Variants in TRPM5 observed in about 807,000 individuals in gnomAD.
The protein encoded by TRPM5 is transient receptor potential cation channel subfamily M member 5, also known as MLSN1 and TRP-related.
A neutral mutation model predicts 124.9 loss-of-function variants in TRPM5; 121 were observed. The ratio of observed to expected loss-of-function variants is 0.97; its 90% CI spans 0.84 to 1.13. The LOEUF is 1.13. TRPM5 is among the 50% of genes most tolerant of loss of function. TRPM5 has a pLI of 0.00. For synonymous variants in TRPM5, 781 were observed against 700.5 expected (o/e 1.11, Z -1.81); for missense variants, 1,643 against 1,589.1 (o/e 1.03, Z -0.58).
exon 2 of TRPM5, chr11:2,422,283 G>A: frequency 6.2e-7 from 1 of 1,612,306 alleles, no homozygotes; most frequent in Non-Finnish European, 8.5e-7. Flanking sequence ...GCAGGTCAAA[G>A]AGCACAGACG....
chr11:2,421,233 C>T lies in TRPM5; in HGVS notation c.299-35G>A, dbSNP rs746801292. ...TGGAAGAGGGCCTCGTTGTGCCGCA[C>T]GCCCCAGGTCTTCCCTAGCTGGCCC... is the stretch of plus-strand genomic sequence containing the variant. On this transcript the variant is annotated intron_variant, in intron 2 of 23. Coordinates refer to ENST00000155858, the Ensembl canonical transcript of TRPM5. 28 of 1,517,598 alleles carry T rather than the reference C, an allele frequency of 1.8e-5. No individual in the cohort carries two copies. In the Admixed American group the frequency reaches 2.0e-4, roughly 11 times the overall value. 94.0% of individuals were successfully genotyped at this position (1,517,598 alleles called of 1,614,324 possible).
chr11:2,408,022 G>A, intron 18 of TRPM5, 110 bp from the exon 24 acceptor site: 1 of 1,417,688 alleles, frequency 7.1e-7, no homozygotes, highest in Non-Finnish European at 9.5e-7. Flanking sequence ...CCAGGGGACG[G>A]GGTGCTGGTT....
At position 2,415,065 on chromosome 11, in the gene TRPM5, C is replaced by G; in HGVS notation, c.1480-18G>C. The stretch of plus-strand genomic sequence containing the variant: ...CCCTTCTCCTGGAGGACACGGGCGT[C>G]GGCCTCCTGCTGCGGCCCCAGCCTC... On this transcript the variant is annotated intron_variant, in intron 9 of 23. Transcript: ENST00000155858. The G allele has an allele frequency of 6.3e-7, 1 of 1,594,228 alleles. No homozygotes were observed. Among genetic ancestry groups the G allele is most frequent in the East Asian group, 2.2e-5 (1 of 44,688 alleles).
intron 8 of TRPM5, among the ~76,000 whole-genome samples, 154 bp downstream of exon 13, chr11:2,415,752 C>A (rs1015732110): frequency 2.0e-4 from 30 of 152,226 alleles, no homozygotes; most frequent in African/African-American, 7.0e-4. Context: ...GAGGCAGAAG[C>A]CCGGGCAGAA....
Position 2,418,712 on chromosome 11 carries a change from C to T in TRPM5, c.650-121G>A, listed in dbSNP as rs1012177425. On this transcript the variant is annotated intron_variant, in intron 4 of 23. Coordinates refer to ENST00000155858, the Ensembl canonical transcript of TRPM5. ...CTGGCTCTTCCGAATAAAGTGTGGGCTTCGTCTGGGCCACGTGACACAGGC... is the reference window on the plus strand; with the variant it reads ...CTGGCTCTTCCGAATAAAGTGTGGGTTTCGTCTGGGCCACGTGACACAGGC... 5.8e-6 allele frequency: 6 copies of T among 1,029,490 alleles called. No individual in the cohort carries two copies. The Admixed American group carries it at 7.3e-5, about 13-fold the overall frequency. The allele number at this position is 1,029,490 out of a possible 1,614,324, so 63.8% of individuals were successfully genotyped here. A position where few individuals can be genotyped will look rare whatever the true frequency, so the allele number is the denominator to read the frequency against.
chr11:2,418,191 C>G, exon 6 of TRPM5: 1 of 1,580,928 alleles, frequency 6.3e-7, no homozygotes, highest in Non-Finnish European at 8.6e-7. Context: ...GCACGATGTC[C>G]TCCCAAGAGA....
At chr11:2,422,801 A>G (rs1845790954) in intron 1 of TRPM5, 119 bp downstream of exon 6, 2 of 865,818 alleles carry the variant, frequency 2.3e-6, no homozygotes, top group Non-Finnish European at 1.9e-6. Context: ...ATATGGCCCC[A>G]GGGGAGCAGA....
chr11:2,405,311 CAA>C (rs1330163171), intron 23 of TRPM5, among the ~76,000 whole-genome samples: 2 of 152,222 alleles, frequency 1.3e-5, no homozygotes, highest in Non-Finnish European at 2.9e-5. Context: ...GGCAGAGCCT[CAA>C]GAGTCTGAGT....
rs781099581 is a variant in TRPM5 at position 2,422,939 on chromosome 11, G to C, written c.98C>G (p.Ser33Cys). ...CCTTACCTTGCCTCGCTTCTTCCCA[G>C]ACCCTCCAAAGTTGACCTCGCCCCT... The change falls in exon 1 of 24, where the codon TCT becomes TGT. Residue 33 changes from serine to cysteine, a missense_variant. Physicochemically the swap from Ser to Cys is moderately radical, Grantham distance 112. Coordinates refer to ENST00000155858, the Ensembl canonical transcript of TRPM5. The C allele has an allele frequency of 1.1e-4, 171 of 1,613,182 alleles. No homozygotes were observed. Among genetic ancestry groups the C allele is most frequent in the Non-Finnish European group, 1.3e-4 (154 of 1,179,850 alleles).
chr11:2,405,215 C>T (rs1279668497), intron 23 of TRPM5, among the ~76,000 whole-genome samples, 172 bp from the exon 29 acceptor site: 2 of 152,250 alleles, frequency 1.3e-5, no homozygotes, highest in Non-Finnish European at 2.9e-5. Context: ...CCTCTGCCTG[C>T]ACTCCTGGGA....
Position 2,410,080 on chromosome 11 carries a change from G to A in TRPM5, c.2782+1272C>T, listed in dbSNP as rs904658730. ...CTGCGGACGGGCAGTGCTGGAGGCC[G>A]TATGGTGAGGGCGAGGTGGGGTCGC... On this transcript the variant is annotated intron_variant, in intron 18 of 23. Coordinates refer to ENST00000155858, the Ensembl canonical transcript of TRPM5. 7.2e-5 allele frequency among the ~76,000 whole-genome samples: 11 copies of A among 152,338 alleles called. No individual in the cohort carries two copies. In the South Asian group the frequency reaches 1.7e-3, roughly 23 times the overall value.
Position 2,415,890 on chromosome 11 carries a change from C to G in TRPM5, c.1128+16G>C. The G allele has an allele frequency of 6.5e-7, 1 of 1,538,562 alleles. No homozygotes were observed. The highest frequency in any genetic ancestry group is 8.8e-7 in the Non-Finnish European group (1 of 1,130,226). On this transcript the variant is annotated intron_variant, in intron 8 of 23. Coordinates refer to ENST00000155858, the Ensembl canonical transcript of TRPM5. ...GTGCCATGATGGGGAGGTGGGTAGG[C>G]AGGGCTGGGAGGCACCTTCCACTCC... is the stretch of plus-strand genomic sequence containing the variant.
chr11:2,437,842 A>T, the TRPM5 span, among the ~76,000 whole-genome samples: 1 of 152,208 alleles, frequency 6.6e-6, no homozygotes, highest in South Asian at 2.1e-4. This position sits in a 1 kb window ranked among gnomAD's most constrained non-coding sequence, Gnocchi z 5.6. Flanking sequence ...GGGGGCAGGT[A>T]GTTAGGGAAT....
chr11:2,410,474 C>T (rs574237113), intron 18 of TRPM5, among the ~76,000 whole-genome samples: 1 of 152,192 alleles, frequency 6.6e-6, no homozygotes, highest in African/African-American at 2.4e-5. Context: ...TCTGCGGCAC[C>T]CCTCGAGGGC....
At chr11:2,414,988 C>T (rs775038315) in exon 10 of TRPM5, 11 of 1,606,750 alleles carry the variant, frequency 6.8e-6, no homozygotes, top group Admixed American at 1.7e-5. Context: ...GGTTCTCGCT[C>T]TTCTGGTTCA....
Position 2,412,338 on chromosome 11 carries a change from A to AGGATCAGGGTTCAGCATGCCATGG in TRPM5, c.2356-86_2356-85insCCATGGCATGCTGAACCCTGATCC, listed in dbSNP as rs60397029. ...CTACCTGGACAAGCTTGGATCTGTA[A>AGGATCAGGGTTCAGCATGCCATGG]GGATCAGGGTTCCATCTATGACCAG... is the stretch of plus-strand genomic sequence containing the variant. On this transcript the variant is annotated intron_variant, in intron 15 of 23. Coordinates refer to ENST00000155858, the Ensembl canonical transcript of TRPM5. 6.9e-6 allele frequency: 7 copies of AGGATCAGGGTTCAGCATGCCATGG among 1,018,566 alleles called. No homozygotes were observed. In the Admixed American group the frequency reaches 8.8e-5, roughly 13 times the overall value. The allele number at this position is 1,018,566 out of a possible 1,614,324, so 63.1% of individuals were successfully genotyped here.
At chr11:2,420,187 C>T in intron 4 of TRPM5, 35 bp downstream of exon 9, 2 of 1,564,250 alleles carry the variant, frequency 1.3e-6, no homozygotes, top group South Asian at 1.2e-5. Context: ...CCACTGGGTC[C>T]CAAGGCTTCC....
chr11:2,418,126 G>A (rs766149330), intron 6 of TRPM5, 41 bp downstream of exon 11: 37 of 1,480,322 alleles, frequency 2.5e-5, no homozygotes, highest in Non-Finnish European at 3.3e-5. Flanking sequence ...CCCCACCCCC[G>A]GAGGAGGGGT....
the TRPM5 span, among the ~76,000 whole-genome samples, chr11:2,432,301 C>A: frequency 6.6e-6 from 1 of 152,226 alleles, no homozygotes; most frequent in African/African-American, 2.4e-5. Flanking sequence ...CTACAGTTGG[C>A]CCCGGGCAGG....
Sources: allele counts gnomAD v4.1 joint callset (sites outside exome capture counted in the v4.1 genomes callset), GRCh38; gene constraint gnomAD v4.1.1; non-coding constraint Gnocchi (gnomAD v3.1); transcripts MANE v1.5; gene names NCBI Gene and HGNC (gene_info 2026-07-23, HGNC 2026-07-21).